The following C1orf21 variants were observed in gnomAD, a reference collection of about 807,000 sequenced individuals.
C1orf21 encodes chromosome 1 open reading frame 21, also known as uncharacterized protein C1orf21.
A neutral mutation model predicts 18.7 loss-of-function variants in C1orf21; 3 were observed. That is an observed-to-expected ratio of 0.16 (90% CI 0.07 to 0.42). The LOEUF is 0.42. Among genes scored for constraint, C1orf21 ranks in the 10% least tolerant of loss-of-function variants. The probability of loss-of-function intolerance (pLI) is 0.99; values close to 1 mark genes in which losing one functional copy is unlikely to be tolerated. For missense variants in C1orf21, 104 were observed against 143.6 expected, an observed-to-expected ratio of 0.72 and a Z score of 1.41; for synonymous variants, 41 against 46.4, an observed-to-expected ratio of 0.88 and a Z score of 0.47.
chr1:184,439,624 A>G (rs12058294), intron 1 of C1orf21, among the ~76,000 whole-genome samples: 23,869 of 152,124 alleles, frequency 0.16, 1,911 homozygotes, highest in African/African-American at 0.18. Flanking sequence ...GGATTAATCC[A>G]ACAATTTGTA....
chr1:184,551,663 A>C (rs1658814689), intron 3 of C1orf21, among the ~76,000 whole-genome samples: 1 of 152,154 alleles, frequency 6.6e-6, no homozygotes, highest in Non-Finnish European at 1.5e-5. Context: ...GTGTTTGGCA[A>C]GAGGGTGGAT....
intron 1 of C1orf21, among the ~76,000 whole-genome samples, chr1:184,442,396 A>G (rs1428758560): frequency 6.6e-6 from 1 of 152,180 alleles, no homozygotes; most frequent in Non-Finnish European, 1.5e-5. Flanking sequence ...CACAATGCGG[A>G]TAATATTTAA....
intron 1 of C1orf21, among the ~76,000 whole-genome samples, chr1:184,438,771 G>A (rs1363673725): frequency 2.0e-5 from 3 of 152,128 alleles, no homozygotes; most frequent in Non-Finnish European, 4.4e-5. Flanking sequence ...TGAGAAGTTC[G>A]ACAGCTGGTA....
intron 1 of C1orf21, among the ~76,000 whole-genome samples, chr1:184,411,720 C>T (rs1445428618): frequency 1.3e-5 from 2 of 152,144 alleles, no homozygotes; most frequent in Non-Finnish European, 2.9e-5. Flanking sequence ...CCGCGCCCAG[C>T]CGGTTATGGG....
chr1:184,517,891 G>T (rs1300130562), intron 3 of C1orf21, among the ~76,000 whole-genome samples: 1 of 152,152 alleles, frequency 6.6e-6, no homozygotes. Flanking sequence ...CATGCCTTAT[G>T]TGATGGTGAC....
intron 3 of C1orf21, among the ~76,000 whole-genome samples, chr1:184,521,886 G>A (rs1414770945): frequency 2.0e-5 from 3 of 152,096 alleles, no homozygotes; most frequent in African/African-American, 7.2e-5. Flanking sequence ...GCTAACCTAA[G>A]TAACTTTGGA....
intron 1 of C1orf21, among the ~76,000 whole-genome samples, chr1:184,463,709 G>T (rs1220805621): frequency 6.6e-6 from 1 of 152,240 alleles, no homozygotes; most frequent in African/African-American, 2.4e-5. Flanking sequence ...GCTGTGTATA[G>T]AATTATTTCC....
chr1:184,414,060 GA>G (rs1656407576), intron 1 of C1orf21, among the ~76,000 whole-genome samples: 2 of 152,304 alleles, frequency 1.3e-5, no homozygotes, highest in African/African-American at 4.8e-5. Context: ...TGTGCCTTGA[GA>G]ACTGCAGAGT....
At position 184,582,825 on chromosome 1, in the gene C1orf21, TTTTG is replaced by T. The variant is rs551032675; in HGVS notation, c.190-7894_190-7891del. ...GAAGGTGAGGTTTGAGGGAATGTTT[TTTTG>T]TTTGTTTGTTTGTTTGTTTTGTTTT... On this transcript the variant is annotated intron_variant, in intron 3 of 5. Coordinates refer to ENST00000235307, the MANE Select transcript of C1orf21 (RefSeq NM_030806.4). Among the ~76,000 whole-genome samples the T allele has an allele frequency of 7.3e-4, 111 of 152,194 alleles. 1 individual carries two copies. Among genetic ancestry groups the T allele is most frequent in the African/African-American group, 1.0e-3 (42 of 41,552 alleles).
At chr1:184,392,106 G>A (rs1655978674) in intron 1 of C1orf21, among the ~76,000 whole-genome samples, 1 of 152,176 alleles carries the variant, frequency 6.6e-6, no homozygotes, top group Non-Finnish European at 1.5e-5. Context: ...TGTAGCTGTG[G>A]TCTTCATCTT....
chr1:184,622,891 C>A lies in C1orf21; in HGVS notation c.*3335C>A. On this transcript the variant is annotated 3_prime_UTR_variant, in exon 6 of 6. Coordinates refer to ENST00000235307, the MANE Select transcript of C1orf21 (RefSeq NM_030806.4). Reference sequence around the variant, plus strand: ...TGGGCATCCAAAGCGGCCACGCCCACAATCCGACAGCCCCCAGGAGCAGGT... The same window carrying A: ...TGGGCATCCAAAGCGGCCACGCCCAAAATCCGACAGCCCCCAGGAGCAGGT... 1 of 152,882 alleles carries A rather than the reference C, an allele frequency of 6.5e-6. No individual in the cohort carries two copies. The highest frequency in any genetic ancestry group is 1.5e-5 in the Non-Finnish European group (1 of 68,480). The allele number at this position is 152,882 out of a possible 1,614,324, so 9.5% of individuals were successfully genotyped here. A position where few individuals can be genotyped will look rare whatever the true frequency, so the allele number is the denominator to read the frequency against.
intron 2 of C1orf21, among the ~76,000 whole-genome samples, 177 bp from the exon 3 acceptor site, chr1:184,507,411 C>G (rs1187082871): frequency 6.6e-6 from 1 of 152,058 alleles, no homozygotes; most frequent in African/African-American, 2.4e-5. Flanking sequence ...AGGAGAGGGG[C>G]TCATAAAAAG....
At chr1:184,391,154 T>C (rs1655965980) in intron 1 of C1orf21, among the ~76,000 whole-genome samples, 1 of 152,214 alleles carries the variant, frequency 6.6e-6, no homozygotes, top group South Asian at 2.1e-4. Flanking sequence ...CATGCTGTGG[T>C]TATGCAATTA....
chr1:184,434,470 A>G (rs1656826942), intron 1 of C1orf21, among the ~76,000 whole-genome samples: 1 of 152,220 alleles, frequency 6.6e-6, no homozygotes, highest in Non-Finnish European at 1.5e-5. Flanking sequence ...GCATTCGACG[A>G]AAGAGGCAGA....
At chr1:184,388,379 T>C (rs1392836521) in intron 1 of C1orf21, among the ~76,000 whole-genome samples, 2 of 152,180 alleles carry the variant, frequency 1.3e-5, no homozygotes, top group African/African-American at 4.8e-5. Flanking sequence ...AAATAATTTG[T>C]TTTCAATAGG....
In C1orf21 at chr1:184,627,365, CAGAAT is replaced by C. The variant is rs1660032260; in HGVS notation, c.*7811_*7815del. The C allele has an allele frequency of 6.6e-6, 1 of 151,976 alleles. No homozygotes were observed. Among genetic ancestry groups the C allele is most frequent in the East Asian group, 1.9e-4 (1 of 5,194 alleles). 9.4% of individuals were successfully genotyped at this position (151,976 alleles called of 1,614,324 possible). A position where few individuals can be genotyped will look rare whatever the true frequency, so the allele number is the denominator to read the frequency against. On this transcript the variant is annotated 3_prime_UTR_variant, in exon 6 of 6. Transcript: ENST00000235307. ...GAGAAAGGAAAAGAATTAGATGCAT[CAGAAT>C]ACCAGCTATAAGCCAACACTGTTTC...
intron 2 of C1orf21, among the ~76,000 whole-genome samples, chr1:184,505,489 A>G (rs1482073146): frequency 1.3e-5 from 2 of 151,806 alleles, no homozygotes; most frequent in African/African-American, 4.8e-5. Flanking sequence ...TAGGCCAGGC[A>G]TGATGGCTCA....
intron 1 of C1orf21, among the ~76,000 whole-genome samples, chr1:184,454,573 A>G (rs1174695048): frequency 2.0e-5 from 3 of 151,986 alleles, no homozygotes; most frequent in African/African-American, 7.3e-5. Flanking sequence ...ATGGGGGTGG[A>G]TTTCCATGAA....
At chr1:184,421,661 C>A (rs1206123856) in intron 1 of C1orf21, among the ~76,000 whole-genome samples, 3 of 152,084 alleles carry the variant, frequency 2.0e-5, no homozygotes, top group African/African-American at 7.2e-5. Context: ...GTCTCAAGGT[C>A]TCCTTTTCTG....
Sources: allele counts gnomAD v4.1 joint callset (sites outside exome capture counted in the v4.1 genomes callset), GRCh38; gene constraint gnomAD v4.1.1; transcripts MANE v1.5; gene names NCBI Gene and HGNC (gene_info 2026-07-23, HGNC 2026-07-21).